Variants in AFDN observed in about 807,000 individuals in gnomAD.
AFDN encodes the protein afadin, adherens junction formation factor.
AFDN carries 68 observed loss-of-function variants against 216.6 expected under a neutral mutation model. That is an observed-to-expected ratio of 0.31 (90% CI 0.26 to 0.38). The LOEUF is 0.38. Ranked by LOEUF, AFDN falls within the 10% of genes least tolerant of loss-of-function variation. The probability of loss-of-function intolerance (pLI) is 1.00; values close to 1 mark genes in which losing one functional copy is unlikely to be tolerated. For synonymous variants in AFDN, 868 were observed against 853.7 expected, an observed-to-expected ratio of 1.02 and a Z score of -0.29; for missense variants, 2,136 against 2,342.0, an observed-to-expected ratio of 0.91 and a Z score of 1.82.
At chr6:167,918,654 A>AG in intron 20 of AFDN, 81 bp from the exon 21 acceptor site, 2 of 1,248,752 alleles carry the variant, frequency 1.6e-6, no homozygotes, top group Non-Finnish European at 2.3e-6. Context: ...TGCAGTGAGC[A>AG]GACAGCCTTT....
chr6:167,860,419 G>T (rs928082194), intron 1 of AFDN, among the ~76,000 whole-genome samples: 5 of 151,952 alleles, frequency 3.3e-5, no homozygotes, highest in African/African-American at 1.2e-4. Context: ...GGATCCTGAG[G>T]GAGGACCTAG....
intron 2 of AFDN, among the ~76,000 whole-genome samples, chr6:167,868,382 A>C (rs1396562208): frequency 7.9e-5 from 12 of 152,286 alleles, no homozygotes; most frequent in Admixed American, 1.3e-4. Context: ...CCTCATCTGG[A>C]ATCAAATTTT....
intron 6 of AFDN, among the ~76,000 whole-genome samples, chr6:167,881,961 C>T (rs898875657): frequency 6.6e-6 from 1 of 152,196 alleles, no homozygotes; most frequent in Admixed American, 6.5e-5. Context: ...ATAGCCTTTA[C>T]ATTCAGCTTT....
intron 23 of AFDN, among the ~76,000 whole-genome samples, chr6:167,929,033 T>A (rs541970700): frequency 6.6e-6 from 1 of 152,316 alleles, no homozygotes; most frequent in African/African-American, 2.4e-5. Flanking sequence ...CTTCCGTGAG[T>A]CTAATGTGAT....
At chr6:167,870,012 G>A (rs143435466) in intron 2 of AFDN, among the ~76,000 whole-genome samples, 1 of 152,298 alleles carries the variant, frequency 6.6e-6, no homozygotes, top group Non-Finnish European at 1.5e-5. Context: ...TGGAACTTCT[G>A]TGTGGTATTA....
At chr6:167,947,045 T>G (rs979264831) in intron 27 of AFDN, 144 bp downstream of exon 27, 1 of 685,978 alleles carries the variant, frequency 1.5e-6, no homozygotes, top group African/African-American at 1.9e-5. Flanking sequence ...AGGGATATCA[T>G]AAGTAACATT....
In AFDN at chr6:167,969,833, C is replaced by G; in HGVS notation, c.5394C>G (p.Phe1798Leu). 1 of 1,612,846 alleles carries G rather than the reference C, an allele frequency of 6.2e-7. No homozygotes were observed. ...CTGGGGCCCCTGAAAACTTGACATTCAAGGAACGCCAGCGTCTTTTTTCAC... is the reference window on the plus strand; with the variant it reads ...CTGGGGCCCCTGAAAACTTGACATTGAAGGAACGCCAGCGTCTTTTTTCAC... ...GSSGAPENLT[F>L]KERQRLFSQG... is the part of the protein sequence containing the mutation. Residue 1798 changes from phenylalanine to leucine, a missense_variant, in exon 34 of 34, where the codon TTC becomes TTG. Transcript: ENST00000683244.
Position 167,872,509 on chromosome 6 carries a change from C to T in AFDN, c.578+132C>T. The T allele has an allele frequency of 1.1e-5, 11 of 958,540 alleles. No homozygotes were observed. In the East Asian group the frequency reaches 2.7e-4, roughly 23 times the overall value. 59.4% of individuals were successfully genotyped at this position (958,540 alleles called of 1,614,324 possible). A position where few individuals can be genotyped will look rare whatever the true frequency, so the allele number is the denominator to read the frequency against. ...CAGTCAGGAAATGTGTTTGGGTCTA[C>T]TCCCAGCTCTTCTGTGTGGAGGGAG... On this transcript the variant is annotated intron_variant, in intron 4 of 33. Transcript: ENST00000683244.
At chr6:167,840,550 C>G (rs1424419168) in intron 1 of AFDN, among the ~76,000 whole-genome samples, 1 of 152,200 alleles carries the variant, frequency 6.6e-6, no homozygotes, top group Non-Finnish European at 1.5e-5. Flanking sequence ...TAGATCAGAG[C>G]TCCAGCTACT....
At chr6:167,898,159 T>C (rs1406678153) in intron 10 of AFDN, 46 bp from the exon 11 acceptor site, 1 of 1,604,460 alleles carries the variant, frequency 6.2e-7, no homozygotes, top group Non-Finnish European at 8.5e-7. Context: ...GTTTAAATGC[T>C]GTGAACTTCA....
intron 1 of AFDN, among the ~76,000 whole-genome samples, chr6:167,858,793 G>C (rs967123342): frequency 2.6e-5 from 4 of 152,270 alleles, no homozygotes; most frequent in Middle Eastern, 3.4e-3. Flanking sequence ...GAATAATAGT[G>C]CCCTGTGTGT....
At chr6:167,873,916 A>AT in intron 4 of AFDN, among the ~76,000 whole-genome samples, 1 of 152,348 alleles carries the variant, frequency 6.6e-6, no homozygotes, top group South Asian at 2.1e-4. Context: ...GTGGAATTTG[A>AT]GCCTATTTTG....
At chr6:167,873,467 A>C (rs1248145038) in intron 4 of AFDN, among the ~76,000 whole-genome samples, 1 of 152,232 alleles carries the variant, frequency 6.6e-6, no homozygotes, top group African/African-American at 2.4e-5. Context: ...TAGATTGTTC[A>C]TAGTGGTTCT....
Position 167,911,280 on chromosome 6 carries a change from A to G in AFDN, c.1832-4A>G, listed in dbSNP as rs765301340. The G allele has an allele frequency of 4.3e-5, 70 of 1,612,228 alleles. No homozygotes were observed. Among genetic ancestry groups the G allele is most frequent in the East Asian group, 1.6e-4 (7 of 44,888 alleles). On this transcript the variant is annotated splice_polypyrimidine_tract_variant and splice_region_variant and intron_variant, in intron 14 of 33. Transcript: ENST00000683244. The stretch of plus-strand genomic sequence containing the variant: ...TTTTCTTTGTTTTTGAAATCTTTCC[A>G]CAGCTGAAGATTCATTTTTGTCTGC...
rs145956929 is a variant in AFDN, at chr6:167,864,544, C to T, written c.106-7C>T. On this transcript the variant is annotated splice_region_variant and splice_polypyrimidine_tract_variant and intron_variant, in intron 1 of 33. Transcript: ENST00000683244. ...TTCCAAAAATGTACCATTTTGTTTT[C>T]TTTTAGGATTTGGAGTTCCATGGAG... 1.0e-3 allele frequency: 1,636 copies of T among 1,606,352 alleles called. 19 individuals are homozygous for T. In the African/African-American group the frequency reaches 0.02, roughly 20 times the overall value.
At chr6:167,961,336 TA>T (rs1279311427) in intron 30 of AFDN, among the ~76,000 whole-genome samples, 3 of 152,226 alleles carry the variant, frequency 2.0e-5, no homozygotes, top group African/African-American at 7.2e-5. Flanking sequence ...AGATAAGAAG[TA>T]AATGGAGAAC....
At chr6:167,944,902 T>C (rs901156730) in intron 26 of AFDN, among the ~76,000 whole-genome samples, 5 of 152,136 alleles carry the variant, frequency 3.3e-5, no homozygotes, top group African/African-American at 1.2e-4. Flanking sequence ...TGAGTGAATG[T>C]GAAGGCCCAG....
In AFDN at chr6:167,911,558, G is replaced by A. The variant is rs139758396; in HGVS notation, c.2037+69G>A. On this transcript the variant is annotated intron_variant, in intron 15 of 33. Coordinates refer to ENST00000683244, the MANE Select transcript of AFDN (RefSeq NM_001386888.1). ...TGTAATTGCTAAGCCAGTGAATTCA[G>A]CTTCTTTAAGGCTTCTCATTTGGTT... is the stretch of plus-strand genomic sequence containing the variant. The A allele has an allele frequency of 1.0e-5, 14 of 1,377,030 alleles. 1 individual carries two copies. The South Asian group carries it at 1.4e-4, about 14-fold the overall frequency. 85.3% of individuals were successfully genotyped at this position (1,377,030 alleles called of 1,614,324 possible).
At chr6:167,936,135 C>T (rs541105615) in intron 23 of AFDN, among the ~76,000 whole-genome samples, 63 of 152,176 alleles carry the variant, frequency 4.1e-4, no homozygotes, top group Non-Finnish European at 8.5e-4. Flanking sequence ...TTTTTCCATA[C>T]TAAGTCTCTG....
Sources: allele counts gnomAD v4.1 joint callset (sites outside exome capture counted in the v4.1 genomes callset), GRCh38; gene constraint gnomAD v4.1.1; transcripts MANE v1.5; gene names NCBI Gene and HGNC (gene_info 2026-07-23, HGNC 2026-07-21).